CLASP1: variants seen among roughly 807,000 people sequenced by gnomAD.
CLASP1 encodes the protein cytoplasmic linker associated protein 1, also known as CLIP-associating protein 1.
In CLASP1, 38 loss-of-function variants were observed where a neutral mutation model predicts 192.3. The ratio of observed to expected loss-of-function variants is 0.20; its 90% confidence interval spans 0.15 to 0.26. CLASP1 has a LOEUF of 0.26. Among genes scored for constraint, CLASP1 ranks in the 10% least tolerant of loss-of-function variants. The pLI is 1.00. For synonymous variants in CLASP1, 691 were observed against 712.8 expected (o/e 0.97, Z 0.49); for missense variants, 1,433 against 1,932.5 (o/e 0.74, Z 4.85).
chr2:121,631,979 G>A (rs140286132), intron 1 of CLASP1, among the ~76,000 whole-genome samples: 2,096 of 151,954 alleles, frequency 0.014, 43 homozygotes, highest in African/African-American at 0.047. Flanking sequence ...CCCAGGAGGC[G>A]GAGGCTGTAG....
At chr2:121,365,849 G>A (rs2067307791) in intron 35 of CLASP1, among the ~76,000 whole-genome samples, 1 of 152,166 alleles carries the variant, frequency 6.6e-6, no homozygotes, top group East Asian at 1.9e-4. Context: ...CTATCTATGT[G>A]GAGACTAAAA....
intron 8 of CLASP1, among the ~76,000 whole-genome samples, chr2:121,474,997 C>T (rs2091426467): frequency 6.6e-6 from 1 of 152,142 alleles, no homozygotes; most frequent in Non-Finnish European, 1.5e-5. Flanking sequence ...CAAACACATG[C>T]ACATAAAAAC....
chr2:121,470,592 T>C (rs2090532424), intron 8 of CLASP1: 2 of 437,744 alleles, frequency 4.6e-6, no homozygotes. Context: ...GTTAGATATT[T>C]AGGGTGTTTC....
At chr2:121,535,787 T>C (rs995154318) in intron 2 of CLASP1, among the ~76,000 whole-genome samples, 6 of 151,824 alleles carry the variant, frequency 4.0e-5, no homozygotes, top group Middle Eastern at 3.2e-3. Flanking sequence ...CCCTCCCCAG[T>C]AGCTGGGACT....
At chr2:121,594,281 CAG>C (rs1159934377) in intron 2 of CLASP1, among the ~76,000 whole-genome samples, 1 of 144,366 alleles carries the variant, frequency 6.9e-6, no homozygotes, top group African/African-American at 2.7e-5. Flanking sequence ...GCCTGGGCGA[CAG>C]AGGGAGACTC....
intron 13 of CLASP1, 90 bp from the exon 14 acceptor site, chr2:121,457,847 A>G: frequency 3.6e-6 from 3 of 822,054 alleles, no homozygotes; most frequent in Non-Finnish European, 6.2e-6. Flanking sequence ...TAACCTACTT[A>G]TAGCACATAT....
chr2:121,380,192 G>A (rs1031637259), intron 33 of CLASP1, among the ~76,000 whole-genome samples: 46 of 152,166 alleles, frequency 3.0e-4, no homozygotes, highest in Non-Finnish European at 1.2e-4. Flanking sequence ...AACTTCCCAT[G>A]GAAGCCATCA....
At chr2:121,556,739 GC>G (rs1435634010) in intron 2 of CLASP1, among the ~76,000 whole-genome samples, 1 of 152,120 alleles carries the variant, frequency 6.6e-6, no homozygotes, top group Non-Finnish European at 1.5e-5. Flanking sequence ...CCACTGACAG[GC>G]CTTATTGCTC....
chr2:121,354,427 G>C, intron 37 of CLASP1, among the ~76,000 whole-genome samples: 1 of 152,186 alleles, frequency 6.6e-6, no homozygotes, highest in African/African-American at 2.4e-5. Context: ...CTCCATTTGT[G>C]CAGGTCTCAG....
chr2:121,462,095 A>T (rs2088132797), intron 10 of CLASP1, among the ~76,000 whole-genome samples: 1 of 152,124 alleles, frequency 6.6e-6, no homozygotes, highest in Admixed American at 6.6e-5. Context: ...TTTTATAAAT[A>T]ATCTTTGTTT....
Position 121,363,309 on chromosome 2 carries a change from C to T in CLASP1, c.4078-9G>A. 6.2e-7 allele frequency: 1 copy of T among 1,613,314 alleles called. No homozygotes were observed. The highest frequency in any genetic ancestry group is 8.5e-7 in the Non-Finnish European group (1 of 1,179,702). On this transcript the variant is annotated splice_polypyrimidine_tract_variant and intron_variant, in intron 36 of 39. Transcript: ENST00000263710. ...AGTGCTCGAATTGAATGCTAGAATACAAAGGGAAAGGAAGACATCACCAAA... is the reference window on the plus strand; with the variant it reads ...AGTGCTCGAATTGAATGCTAGAATATAAAGGGAAAGGAAGACATCACCAAA...
At chr2:121,466,426 C>T (rs1399861896) in intron 9 of CLASP1, among the ~76,000 whole-genome samples, 1 of 152,126 alleles carries the variant, frequency 6.6e-6, no homozygotes, top group Non-Finnish European at 1.5e-5. Flanking sequence ...TCAGGAGAGG[C>T]CATCAGGAGA....
rs182362197 is a variant in CLASP1, at chr2:121,355,198, G to A, written c.4207-6480C>T. Among the ~76,000 whole-genome samples, 654 of 152,220 alleles carry A rather than the reference G, an allele frequency of 4.3e-3. 4 individuals are homozygous for A. Among genetic ancestry groups the A allele is most frequent in the African/African-American group, 0.014 (571 of 41,536 alleles). ...GAGTCTTGCTCTGTTGCCCAGGCTGGAGTGCAGTGGCGCCATCTTGGTGGG... is the reference window on the plus strand; with the variant it reads ...GAGTCTTGCTCTGTTGCCCAGGCTGAAGTGCAGTGGCGCCATCTTGGTGGG... On this transcript the variant is annotated intron_variant, in intron 37 of 39. Transcript: ENST00000263710.
At chr2:121,471,816 C>G (rs2090785371) in intron 8 of CLASP1, among the ~76,000 whole-genome samples, 1 of 152,114 alleles carries the variant, frequency 6.6e-6, no homozygotes, top group Non-Finnish European at 1.5e-5. Context: ...ATCCATTTTT[C>G]ATTGATTCAG....
At chr2:121,535,864 G>A (rs753585808) in intron 2 of CLASP1, among the ~76,000 whole-genome samples, 3 of 151,924 alleles carry the variant, frequency 2.0e-5, no homozygotes, top group Non-Finnish European at 2.9e-5. Flanking sequence ...GTTTTGCCAT[G>A]TTGCCCAGGC....
At chr2:121,493,249 C>T (rs2093394732) in intron 8 of CLASP1, among the ~76,000 whole-genome samples, 1 of 152,174 alleles carries the variant, frequency 6.6e-6, no homozygotes, top group South Asian at 2.1e-4. Flanking sequence ...AATTATACTA[C>T]TACCATTGCT....
intron 30 of CLASP1, 190 bp from the exon 32 acceptor site, chr2:121,388,096 ACT>A: frequency 2.0e-6 from 1 of 495,904 alleles, no homozygotes. Flanking sequence ...GGGAAAATAA[ACT>A]CTGGCTTCAT....
chr2:121,361,426 C>A (rs1356811533), intron 37 of CLASP1, among the ~76,000 whole-genome samples: 1 of 152,240 alleles, frequency 6.6e-6, no homozygotes, highest in Non-Finnish European at 1.5e-5. Flanking sequence ...TTAGCACATG[C>A]CATTTGCCCC....
chr2:121,469,723 G>A (rs896642912), intron 9 of CLASP1, 85 bp downstream of exon 9: 6 of 1,374,544 alleles, frequency 4.4e-6, no homozygotes, highest in Admixed American at 2.6e-5. Context: ...TCACTTCTGA[G>A]GGCCACCACA....
Sources: allele counts gnomAD v4.1 joint callset (sites outside exome capture counted in the v4.1 genomes callset), GRCh38; gene constraint gnomAD v4.1.1; transcripts MANE v1.5; gene names NCBI Gene and HGNC (gene_info 2026-07-23, HGNC 2026-07-21).